The following GRIK1 variants were observed in gnomAD, a reference collection of about 807,000 sequenced individuals.
The protein encoded by GRIK1 is glutamate receptor ionotropic, kainate 1.
In GRIK1, 69 loss-of-function variants were observed where a neutral mutation model predicts 105.7. The ratio of observed to expected loss-of-function variants is 0.65; its 90% confidence interval spans 0.54 to 0.80. The LOEUF (loss-of-function observed/expected upper bound fraction) is 0.80, where lower values mean the gene tolerates loss of function less well. Ranked by LOEUF, GRIK1 falls within the 30% of genes least tolerant of loss-of-function variation. The pLI, the probability that GRIK1 is intolerant of heterozygous loss-of-function variation, is 0.00. For synonymous variants in GRIK1, 438 were observed against 431.3 expected (o/e 1.02, Z -0.19); for missense variants, 1,109 against 1,167.3 (o/e 0.95, Z 0.73).
chr21:29,852,558 T>C (rs1310301571), intron 1 of GRIK1, among the ~76,000 whole-genome samples: 1 of 152,174 alleles, frequency 6.6e-6, no homozygotes, highest in Non-Finnish European at 1.5e-5. Context: ...ACTACTGATA[T>C]TTTCTTCCTA....
At chr21:29,922,490 T>C (rs184336046) in intron 1 of GRIK1, among the ~76,000 whole-genome samples, 1 of 152,244 alleles carries the variant, frequency 6.6e-6, no homozygotes, top group African/African-American at 2.4e-5. Context: ...TTTGTCATTA[T>C]ACAGAAATGA....
At chr21:29,646,305 G>T (rs1366477959) in intron 6 of GRIK1, among the ~76,000 whole-genome samples, 1 of 152,134 alleles carries the variant, frequency 6.6e-6, no homozygotes, top group East Asian at 1.9e-4. Context: ...TCCCTGGTTG[G>T]CAATACTTTC....
intron 1 of GRIK1, among the ~76,000 whole-genome samples, chr21:29,861,117 A>AAG (rs2068622376): frequency 6.6e-6 from 1 of 152,176 alleles, no homozygotes; most frequent in African/African-American, 2.4e-5. Context: ...ATCTGGAAAT[A>AAG]AGAGATAGTT....
chr21:29,582,441 T>A (rs1168874093), intron 12 of GRIK1: 6 of 342,614 alleles, frequency 1.8e-5, no homozygotes, highest in African/African-American at 1.3e-4. Flanking sequence ...AAACAACTAG[T>A]ATAGTAGTGT....
intron 3 of GRIK1, among the ~76,000 whole-genome samples, chr21:29,679,094 T>C (rs1197620366): frequency 6.6e-6 from 1 of 152,218 alleles, no homozygotes; most frequent in Non-Finnish European, 1.5e-5. Context: ...ATCATCTATT[T>C]AGGACAGTGC....
chr21:29,899,401 G>A (rs555392229), intron 1 of GRIK1, among the ~76,000 whole-genome samples: 2 of 152,278 alleles, frequency 1.3e-5, no homozygotes, highest in African/African-American at 4.8e-5. Context: ...TGTCTGACTG[G>A]CCTAATGGAT....
intron 13 of GRIK1, among the ~76,000 whole-genome samples, chr21:29,580,303 G>T (rs363483): frequency 0.056 from 8,454 of 151,672 alleles, 408 homozygotes; most frequent in African/African-American, 0.13. Context: ...AGTATATGGG[G>T]TTTCCTGCAG....
chr21:29,724,236 T>A (rs2064395164), intron 1 of GRIK1, among the ~76,000 whole-genome samples: 3 of 152,206 alleles, frequency 2.0e-5, no homozygotes, highest in Non-Finnish European at 4.4e-5. Context: ...ATTTTGCAAC[T>A]GATTCATTTT....
chr21:29,606,318 G>A (rs966733261), intron 7 of GRIK1, among the ~76,000 whole-genome samples: 3 of 152,048 alleles, frequency 2.0e-5, no homozygotes, highest in South Asian at 2.1e-4. Context: ...GGGTGCATGC[G>A]CAGGATATGC....
intron 1 of GRIK1, among the ~76,000 whole-genome samples, chr21:29,921,332 T>G (rs879390157): frequency 6.6e-6 from 1 of 152,186 alleles, no homozygotes; most frequent in Non-Finnish European, 1.5e-5. Context: ...TTTTCCAATA[T>G]ATTTCACAGT....
At chr21:29,597,589 C>T (rs967724139) in intron 8 of GRIK1, 6 of 456,656 alleles carry the variant, frequency 1.3e-5, no homozygotes, top group East Asian at 7.0e-5. Flanking sequence ...CATGCACCAT[C>T]GTGGAGACTG....
At chr21:29,669,070 CCTAATCAAGT>C (rs1765415624) in intron 4 of GRIK1, among the ~76,000 whole-genome samples, 1 of 152,092 alleles carries the variant, frequency 6.6e-6, no homozygotes, top group Admixed American at 6.5e-5. Context: ...TCTTCTGTAG[CCTAATCAAGT>C]CTTGACATTC....
At chr21:29,842,583 T>C (rs2068011962) in intron 1 of GRIK1, among the ~76,000 whole-genome samples, 1 of 152,202 alleles carries the variant, frequency 6.6e-6, no homozygotes, top group Admixed American at 6.5e-5. Context: ...ACTTAGATTT[T>C]CAAATATCTT....
At chr21:29,597,647 C>T in intron 8 of GRIK1, 1 of 467,892 alleles carries the variant, frequency 2.1e-6, no homozygotes. Context: ...AACAGAGGGG[C>T]AAATCAGAGT....
intron 1 of GRIK1, among the ~76,000 whole-genome samples, chr21:29,803,172 C>G (rs2145862582): frequency 6.6e-6 from 1 of 152,194 alleles, no homozygotes; most frequent in South Asian, 2.1e-4. Flanking sequence ...ACTCCATCCT[C>G]CCGGCTGTTC....
chr21:29,899,994 A>G (rs1241150496), intron 1 of GRIK1, among the ~76,000 whole-genome samples: 1 of 152,074 alleles, frequency 6.6e-6, no homozygotes, highest in East Asian at 1.9e-4. Context: ...AAAACACATG[A>G]TAAATACATT....
chr21:29,553,028 G>A (rs972020064), intron 16 of GRIK1, among the ~76,000 whole-genome samples: 5 of 151,870 alleles, frequency 3.3e-5, no homozygotes, highest in East Asian at 3.9e-4. Flanking sequence ...ATTTTAAATC[G>A]TGGAATCAGT....
At chr21:29,777,350 C>A (rs1462614406) in intron 1 of GRIK1, among the ~76,000 whole-genome samples, 1 of 152,182 alleles carries the variant, frequency 6.6e-6, no homozygotes, top group Non-Finnish European at 1.5e-5. Context: ...TAATCATTAA[C>A]AAGGTCCCAG....
At chr21:29,727,696 G>A (rs1051607694) in intron 1 of GRIK1, among the ~76,000 whole-genome samples, 2 of 152,160 alleles carry the variant, frequency 1.3e-5, no homozygotes, top group Non-Finnish European at 2.9e-5. Flanking sequence ...TAGAAAACTG[G>A]ACAGAGAACA....
Sources: allele counts gnomAD v4.1 joint callset (sites outside exome capture counted in the v4.1 genomes callset), GRCh38; gene constraint gnomAD v4.1.1; transcripts MANE v1.5; gene names NCBI Gene and HGNC (gene_info 2026-07-23, HGNC 2026-07-21).